Variants in REDIC1 observed in about 807,000 individuals in gnomAD.
REDIC1 encodes regulator of DNA class I crossover intermediates 1.
chr12:39,868,143 G>T, the REDIC1 span, among the ~76,000 whole-genome samples: 2 of 152,136 alleles, frequency 1.3e-5, no homozygotes, highest in Non-Finnish European at 2.9e-5. Context: ...ACCTGGATTT[G>T]AGTCTAATAC....
At chr12:39,873,521 CAAATATTT>C in the REDIC1 span, among the ~76,000 whole-genome samples, 1 of 152,102 alleles carries the variant, frequency 6.6e-6, no homozygotes, top group African/African-American at 2.4e-5. Context: ...AAAGAAAATT[CAAATATTT>C]AAAGCCAAAA....
the REDIC1 span, among the ~76,000 whole-genome samples, chr12:39,875,857 C>T: frequency 6.6e-6 from 1 of 152,136 alleles, no homozygotes. Flanking sequence ...AATGGGCTAC[C>T]TACCACTGAG....
the REDIC1 span, among the ~76,000 whole-genome samples, chr12:39,630,813 CAAA>C: frequency 1.3e-4 from 20 of 152,162 alleles, no homozygotes; most frequent in East Asian, 3.5e-3. Context: ...GTAAGCTAGA[CAAA>C]GAAGTTGAAA....
chr12:39,717,442 TTAAG>T, the REDIC1 span, among the ~76,000 whole-genome samples: 1 of 151,974 alleles, frequency 6.6e-6, no homozygotes, highest in Non-Finnish European at 1.5e-5. Context: ...TTACTATTCA[TTAAG>T]TAGGAATAGA....
the REDIC1 span, among the ~76,000 whole-genome samples, chr12:39,789,879 C>T: frequency 1.1e-4 from 16 of 151,952 alleles, no homozygotes; most frequent in Admixed American, 6.6e-4. Context: ...TCCAATTGGA[C>T]AGTTTGCCTA....
At chr12:39,662,293 T>G in the REDIC1 span, among the ~76,000 whole-genome samples, 1 of 146,134 alleles carries the variant, frequency 6.8e-6, no homozygotes, top group African/African-American at 2.8e-5. Context: ...TCCATTTGTA[T>G]CTTCATCAAT....
the REDIC1 span, among the ~76,000 whole-genome samples, chr12:39,641,943 T>C: frequency 2.0e-5 from 3 of 151,780 alleles, no homozygotes; most frequent in Non-Finnish European, 4.4e-5. Context: ...AGGATATTTG[T>C]CAGTCCGATT....
At chr12:39,730,862 T>G in the REDIC1 span, among the ~76,000 whole-genome samples, 1 of 152,196 alleles carries the variant, frequency 6.6e-6, no homozygotes, top group Non-Finnish European at 1.5e-5. Flanking sequence ...CTTCATTCTT[T>G]TTTCTCTAAT....
At chr12:39,677,717 G>C in the REDIC1 span, among the ~76,000 whole-genome samples, 1 of 152,094 alleles carries the variant, frequency 6.6e-6, no homozygotes. Flanking sequence ...ATAAATTTAA[G>C]AAAACACAAA....
chr12:39,882,414 T>C, the REDIC1 span, among the ~76,000 whole-genome samples: 2 of 152,234 alleles, frequency 1.3e-5, no homozygotes, highest in Non-Finnish European at 2.9e-5. Flanking sequence ...GTTAATCCTT[T>C]GTTATACTTA....
the REDIC1 span, among the ~76,000 whole-genome samples, chr12:39,638,175 T>A: frequency 6.6e-6 from 1 of 152,052 alleles, no homozygotes; most frequent in Non-Finnish European, 1.5e-5. Flanking sequence ...TAGTGATACA[T>A]GATCTAAGCT....
At chr12:39,877,795 C>T in the REDIC1 span, among the ~76,000 whole-genome samples, 15 of 152,230 alleles carry the variant, frequency 9.9e-5, no homozygotes, top group South Asian at 1.7e-3. Flanking sequence ...AATTTCTTCT[C>T]AAAAAATACA....
the REDIC1 span, among the ~76,000 whole-genome samples, chr12:39,823,861 GT>G: frequency 6.6e-6 from 1 of 152,040 alleles, no homozygotes; most frequent in South Asian, 2.1e-4. Flanking sequence ...GTTTTTTAGT[GT>G]TTTTATTACT....
At chr12:39,724,069 G>C in the REDIC1 span, among the ~76,000 whole-genome samples, 2 of 152,096 alleles carry the variant, frequency 1.3e-5, no homozygotes, top group African/African-American at 4.8e-5. Flanking sequence ...TCTTTTGGCT[G>C]CAGATACCTC....
At chr12:39,829,981 G>T in the REDIC1 span, 2 of 1,205,892 alleles carry the variant, frequency 1.7e-6, no homozygotes, top group Non-Finnish European at 2.4e-6. Context: ...ATGCTGCAAA[G>T]TAATGTAGTT....
chr12:39,798,275 CCA>C, the REDIC1 span, among the ~76,000 whole-genome samples: 1 of 152,198 alleles, frequency 6.6e-6, no homozygotes, highest in Non-Finnish European at 1.5e-5. Context: ...AGAGATACCA[CCA>C]CAGAGCCTCA....
chr12:39,717,143 G>GTT, the REDIC1 span, among the ~76,000 whole-genome samples: 2,441 of 143,698 alleles, frequency 0.017, 64 homozygotes, highest in African/African-American at 0.055. Context: ...ACATATATAT[G>GTT]TTATATATAT....
the REDIC1 span, among the ~76,000 whole-genome samples, chr12:39,664,904 C>A: frequency 5.9e-5 from 9 of 152,254 alleles, no homozygotes; most frequent in East Asian, 1.9e-4. Flanking sequence ...ATATCCTTTG[C>A]CCCCTTTTTG....
chr12:39,765,967 A>G, the REDIC1 span, among the ~76,000 whole-genome samples: 1 of 152,046 alleles, frequency 6.6e-6, no homozygotes, highest in Non-Finnish European at 1.5e-5. Context: ...TATATGTGAA[A>G]ACACGCAGTG....
Sources: allele counts gnomAD v4.1 joint callset (sites outside exome capture counted in the v4.1 genomes callset), GRCh38; gene constraint gnomAD v4.1.1; transcripts MANE v1.5; gene names NCBI Gene and HGNC (gene_info 2026-07-23, HGNC 2026-07-21).